IL1RAPL1: variants seen among roughly 807,000 people sequenced by gnomAD.
The protein encoded by IL1RAPL1 is interleukin-1 receptor accessory protein-like 1.
A neutral mutation model predicts 48.4 loss-of-function variants in IL1RAPL1; 3 were observed. The ratio of observed to expected loss-of-function variants is 0.06; its 90% CI spans 0.03 to 0.16. IL1RAPL1 has a LOEUF of 0.16. Among genes scored for constraint, IL1RAPL1 ranks in the 10% least tolerant of loss-of-function variants. The pLI is 1.00. For missense variants in IL1RAPL1, 349 were observed against 530.6 expected, an observed-to-expected ratio of 0.66 and a Z score of 3.36; for synonymous variants, 185 against 187.7, an observed-to-expected ratio of 0.99 and a Z score of 0.12.
chrX:29,622,147 G>A (rs745640369), intron 5 of IL1RAPL1, among the ~76,000 whole-genome samples: 3 of 112,274 alleles, frequency 2.7e-5, no homozygotes, highest in African/African-American at 6.5e-5. Flanking sequence ...TTTTAAATGG[G>A]GTTTTAGGCC....
intron 1 of IL1RAPL1, among the ~76,000 whole-genome samples, chrX:28,677,970 C>T (rs867013345): frequency 9.0e-6 from 1 of 111,109 alleles, no homozygotes; most frequent in African/African-American, 3.3e-5. Context: ...TTTTCCTCCT[C>T]CTTCCATTTT....
intron 5 of IL1RAPL1, among the ~76,000 whole-genome samples, chrX:29,621,004 C>T (rs1924444312): frequency 9.0e-6 from 1 of 111,650 alleles, no homozygotes; most frequent in Admixed American, 9.6e-5. Flanking sequence ...TGGTAATTGC[C>T]ATAGATTATT....
chrX:29,426,243 T>C (rs1934348995), intron 5 of IL1RAPL1, among the ~76,000 whole-genome samples: 1 of 112,087 alleles, frequency 8.9e-6, no homozygotes, highest in African/African-American at 3.2e-5. Context: ...ATTAGAAATG[T>C]AATATAATAA....
chrX:29,246,244 G>A (rs191631039), intron 2 of IL1RAPL1, among the ~76,000 whole-genome samples: 1 of 101,963 alleles, frequency 9.8e-6, no homozygotes, highest in Non-Finnish European at 2.0e-5. Flanking sequence ...TGATTGCCAA[G>A]TGGTTAATTA....
At chrX:28,900,670 G>A (rs1923051268) in intron 2 of IL1RAPL1, among the ~76,000 whole-genome samples, 1 of 111,879 alleles carries the variant, frequency 8.9e-6, no homozygotes. Context: ...TCTAGCCTCT[G>A]CACACTGTCT....
chrX:29,800,006 C>T (rs1371679475), intron 6 of IL1RAPL1, among the ~76,000 whole-genome samples: 6 of 111,379 alleles, frequency 5.4e-5, no homozygotes, highest in Non-Finnish European at 7.5e-5. Context: ...TTTTGTAGGC[C>T]GTATCCTCTG....
intron 5 of IL1RAPL1, among the ~76,000 whole-genome samples, chrX:29,550,280 C>T (rs1474612675): frequency 2.7e-5 from 3 of 110,907 alleles, no homozygotes; most frequent in Non-Finnish European, 3.8e-5. Flanking sequence ...CAAGCTCCGC[C>T]TCCCGGGTTC....
intron 2 of IL1RAPL1, among the ~76,000 whole-genome samples, chrX:29,021,279 T>C (rs1926363588): frequency 9.4e-6 from 1 of 106,672 alleles, no homozygotes; most frequent in African/African-American, 3.4e-5. Flanking sequence ...CTTCAAAATG[T>C]CATCTTTCTC....
chrX:29,075,636 T>G (rs192017769), intron 2 of IL1RAPL1, among the ~76,000 whole-genome samples: 84 of 111,964 alleles, frequency 7.5e-4, no homozygotes, highest in Non-Finnish European at 1.3e-3. Context: ...ATTGTAAGAG[T>G]AATATATTCT....
intron 2 of IL1RAPL1, among the ~76,000 whole-genome samples, chrX:29,025,289 T>A (rs1216142149): frequency 8.9e-6 from 1 of 112,256 alleles, no homozygotes; most frequent in Non-Finnish European, 1.9e-5. Context: ...GGACGTATGT[T>A]ATCATTTTTC....
intron 2 of IL1RAPL1, among the ~76,000 whole-genome samples, chrX:29,102,205 C>T (rs1246300403): frequency 9.0e-6 from 1 of 111,291 alleles, no homozygotes; most frequent in Non-Finnish European, 1.9e-5. Flanking sequence ...GATGACAAAC[C>T]CACAGCTAGT....
intron 5 of IL1RAPL1, among the ~76,000 whole-genome samples, chrX:29,399,544 G>GGT (rs1490802533): frequency 2.8e-4 from 31 of 111,619 alleles, no homozygotes; most frequent in Non-Finnish European, 9.4e-5. Flanking sequence ...TTTTGGGCCG[G>GGT]GCACCGTGGC....
chrX:29,942,594 T>G (rs781642207), intron 9 of IL1RAPL1, among the ~76,000 whole-genome samples: 10 of 109,932 alleles, frequency 9.1e-5, no homozygotes, highest in Middle Eastern at 4.7e-3. Context: ...CAATGAATAG[T>G]ACAGATGACA....
At chrX:29,898,470 G>A (rs1056375883) in intron 6 of IL1RAPL1, among the ~76,000 whole-genome samples, 29 of 112,019 alleles carry the variant, frequency 2.6e-4, no homozygotes, top group African/African-American at 8.8e-4. Flanking sequence ...AGGAGTTAAC[G>A]ATATGAAACA....
chrX:29,932,643 C>T (rs1932965868), intron 8 of IL1RAPL1, among the ~76,000 whole-genome samples: 1 of 111,551 alleles, frequency 9.0e-6, no homozygotes, highest in African/African-American at 3.3e-5. Context: ...TACAGAAACA[C>T]ACACACATAC....
intron 6 of IL1RAPL1, among the ~76,000 whole-genome samples, chrX:29,824,420 A>G (rs923534171): frequency 1.8e-5 from 2 of 111,788 alleles, no homozygotes; most frequent in Non-Finnish European, 3.8e-5. Flanking sequence ...TCATGCTCTC[A>G]ATCCTGAGAT....
chrX:29,151,112 A>G (rs73212107), intron 2 of IL1RAPL1, among the ~76,000 whole-genome samples: 7,901 of 110,031 alleles, frequency 0.072, 329 homozygotes, highest in African/African-American at 0.16. Context: ...CATCCAGAAC[A>G]TGAAACAAAA....
intron 1 of IL1RAPL1, among the ~76,000 whole-genome samples, chrX:28,628,354 A>G (rs1212083727): frequency 8.9e-6 from 1 of 112,269 alleles, no homozygotes; most frequent in Non-Finnish European, 1.9e-5. Context: ...ATCACATTGC[A>G]AAGTGTGTGG....
At chrX:29,896,404 G>A (rs190019390) in intron 6 of IL1RAPL1, among the ~76,000 whole-genome samples, 2 of 112,492 alleles carry the variant, frequency 1.8e-5, no homozygotes, top group East Asian at 5.6e-4. Flanking sequence ...ATCATTCAGA[G>A]TTCAACCAGA....
Sources: gnomAD v4.1 joint callset for allele counts (sites outside exome capture counted in the v4.1 genomes callset) on GRCh38, gnomAD v4.1.1 for gene constraint, MANE v1.5 for transcripts, NCBI Gene and HGNC (gene_info 2026-07-23, HGNC 2026-07-21) for gene names.